MAF1: variants seen among roughly 807,000 people sequenced by gnomAD.
MAF1 encodes repressor of RNA polymerase III transcription MAF1 homolog.
A neutral mutation model predicts 31.9 loss-of-function variants in MAF1; 7 were observed. The ratio of observed to expected loss-of-function variants is 0.22; its 90% CI spans 0.12 to 0.41. The LOEUF (loss-of-function observed/expected upper bound fraction) is 0.41. Ranked by LOEUF, MAF1 falls within the 10% of genes least tolerant of loss-of-function variation. The pLI is 1.00. For missense variants in MAF1, 221 were observed against 323.1 expected, an observed-to-expected ratio of 0.68 and a Z score of 2.42; for synonymous variants, 157 against 120.0, an observed-to-expected ratio of 1.31 and a Z score of -2.02.
Position 144,106,818 on chromosome 8 carries a change from T to C in MAF1, c.621-17T>C. The C allele has an allele frequency of 1.3e-6, 2 of 1,535,844 alleles. No individual in the cohort carries two copies. Among genetic ancestry groups the C allele is most frequent in the Non-Finnish European group, 1.8e-6 (2 of 1,142,480 alleles). On this transcript the variant is annotated splice_polypyrimidine_tract_variant and intron_variant, in intron 6 of 7. Transcript: ENST00000322428. ...CTGGGTAGGGGTCCTGAAACTGGTT[T>C]CCCTGCCTCCCCTCAGTGGCTCCAC...
chr8:144,106,756 CCCTCCCTGAACAT>C, intron 6 of MAF1, 66 bp from the exon 7 acceptor site: 1 of 1,573,802 alleles, frequency 6.4e-7, no homozygotes, highest in Non-Finnish European at 8.6e-7. Flanking sequence ...CCCAGCTTTG[CCCTCCCTGAACAT>C]CCTCCCTGGG....
chr8:144,107,429 T>C lies in MAF1; in HGVS notation c.*320T>C, dbSNP rs974872552. The C allele has an allele frequency of 1.0e-5, 6 of 581,322 alleles. No individual in the cohort carries two copies. Among genetic ancestry groups the C allele is most frequent in the African/African-American group, 9.4e-5 (5 of 53,458 alleles). 36.0% of individuals were successfully genotyped at this position (581,322 alleles called of 1,614,324 possible). ...TTTATTTTTGTATTTCTACTGGGCC[T>C]GCACACTCCAGCCCAAAGGGTCTGT... is the stretch of plus-strand genomic sequence containing the variant. On this transcript the variant is annotated 3_prime_UTR_variant, in exon 8 of 8. Transcript: ENST00000322428.
rs1169339212 is a variant in MAF1 at position 144,107,537 on chromosome 8, C to T, written c.*428C>T. The T allele has an allele frequency of 3.3e-6, 2 of 604,222 alleles. No individual in the cohort carries two copies. Among genetic ancestry groups the T allele is most frequent in the East Asian group, 2.8e-5 (1 of 35,978 alleles). 37.4% of individuals were successfully genotyped at this position (604,222 alleles called of 1,614,324 possible). Reference sequence around the variant, plus strand: ...CCGGTGCCCACCTGTACCCCCACCTCGCCCATTTGGCCGCGTGCACTGAGT... The same window carrying T: ...CCGGTGCCCACCTGTACCCCCACCTTGCCCATTTGGCCGCGTGCACTGAGT... On this transcript the variant is annotated 3_prime_UTR_variant, in exon 8 of 8. Transcript: ENST00000322428.
In MAF1 at chr8:144,107,011, AC is replaced by A. The variant is rs1251300273; in HGVS notation, c.749+49del. 1.7e-5 allele frequency: 26 copies of A among 1,555,652 alleles called. No homozygotes were observed. In the African/African-American group the frequency reaches 3.1e-4, roughly 19 times the overall value. ...CGGGTCCTTGAAGCCTGGAGTGGGT[AC>A]AACAGGGTGGGGGCCTCCTCTACTT... On this transcript the variant is annotated intron_variant, in intron 7 of 7. Coordinates refer to ENST00000322428, the MANE Select transcript of MAF1 (RefSeq NM_032272.5).
Position 144,106,357 on chromosome 8 carries a change from C to G in MAF1, c.393C>G (p.Val131=). The G allele has an allele frequency of 6.2e-7, 1 of 1,613,900 alleles. No individual in the cohort carries two copies. The highest frequency in any genetic ancestry group is 1.1e-5 in the South Asian group (1 of 91,082). Residue 131 remains valine, a synonymous_variant, in exon 5 of 8, where the codon GTC becomes GTG. Coordinates refer to ENST00000322428, the MANE Select transcript of MAF1 (RefSeq NM_032272.5). ...EPSLSWVVNA[V]NCSLFSAVRE... ...ACCTGCCCTAGGTGGTGAATGCAGT[C>G]AACTGCAGTCTGTTCTCAGCTGTGC...
intron 6 of MAF1, 21 bp from the exon 7 acceptor site, chr8:144,106,814 G>C (rs370406695): frequency 2.0e-6 from 3 of 1,536,320 alleles, no homozygotes; most frequent in African/African-American, 2.8e-5. Context: ...TCCTGAAACT[G>C]GTTTCCCTGC....
In MAF1 at chr8:144,107,332, A is replaced by G. The variant is rs538591281; in HGVS notation, c.*223A>G. 431 of 629,252 alleles carry G rather than the reference A, an allele frequency of 6.8e-4. No homozygotes were observed. In the South Asian group the frequency reaches 7.8e-3, roughly 11 times the overall value. 39.0% of individuals were successfully genotyped at this position (629,252 alleles called of 1,614,324 possible). A position where few individuals can be genotyped will look rare whatever the true frequency, so the allele number is the denominator to read the frequency against. On this transcript the variant is annotated 3_prime_UTR_variant, in exon 8 of 8. Coordinates refer to ENST00000322428, the MANE Select transcript of MAF1 (RefSeq NM_032272.5). Reference sequence around the variant, plus strand: ...CCATGCTGTGGCCGGACTTGTCAGCAGGGGGCCTGGTGGGAGGAGCGACTG... The same window carrying G: ...CCATGCTGTGGCCGGACTTGTCAGCGGGGGGCCTGGTGGGAGGAGCGACTG...
chr8:144,107,310 T>C lies in MAF1; in HGVS notation c.*201T>C. 3 of 680,128 alleles carry C rather than the reference T, an allele frequency of 4.4e-6. No homozygotes were observed. Among genetic ancestry groups the C allele is most frequent in the Non-Finnish European group, 7.5e-6 (3 of 398,948 alleles). The allele number at this position is 680,128 out of a possible 1,614,324, so 42.1% of individuals were successfully genotyped here. A position where few individuals can be genotyped will look rare whatever the true frequency, so the allele number is the denominator to read the frequency against. The stretch of plus-strand genomic sequence containing the variant: ...TCACCCCTCAGACTCCTGCTGCCCA[T>C]GCTGTGGCCGGACTTGTCAGCAGGG... On this transcript the variant is annotated 3_prime_UTR_variant, in exon 8 of 8. Transcript: ENST00000322428.
chr8:144,105,187 C>T (rs1179236860), intron 1 of MAF1: 2 of 158,312 alleles, frequency 1.3e-5, no homozygotes, highest in Non-Finnish European at 2.8e-5. Flanking sequence ...GTCCTGGTTC[C>T]TAACCGGGAT....
chr8:144,107,116 G>A lies in MAF1; in HGVS notation c.*7G>A. 6.4e-7 allele frequency: 1 copy of A among 1,564,632 alleles called. No individual in the cohort carries two copies. The highest frequency in any genetic ancestry group is 8.7e-7 in the Non-Finnish European group (1 of 1,154,720). On this transcript the variant is annotated 3_prime_UTR_variant, in exon 8 of 8. Coordinates refer to ENST00000322428, the MANE Select transcript of MAF1 (RefSeq NM_032272.5). Reference sequence around the variant, plus strand: ...CCCAGTGATCTGTATTTGATGAGGAGGAGCCGAGGCCCCAGCTTCATCCAG... The same window carrying A: ...CCCAGTGATCTGTATTTGATGAGGAAGAGCCGAGGCCCCAGCTTCATCCAG...
chr8:144,106,457 A>T lies in MAF1; in HGVS notation c.493A>T (p.Ile165Phe). 1 of 1,613,928 alleles carries T rather than the reference A, an allele frequency of 6.2e-7. No homozygotes were observed. The highest frequency in any genetic ancestry group is 8.5e-7 in the Non-Finnish European group (1 of 1,180,012). Residue 165 changes from isoleucine to phenylalanine, a missense_variant, in exon 5 of 8, where the codon ATC (isoleucine) becomes TTC (phenylalanine). This residue lies in a region of MAF1 where 146 missense variants were observed against 263.1 expected (regional missense o/e 0.56). Transcript: ENST00000322428. ...GGAGATCTGCCTGGCTGAATGTGAC[A>T]TCTACAGGTGGGCCGGCATCCCTGC... ...DEEICLAECDIYSYNPDLDSD... is the reference protein window; with the variant it reads ...DEEICLAECDFYSYNPDLDSD...
Position 144,107,240 on chromosome 8 carries a change from G to A in MAF1, c.*131G>A. 2 of 1,179,496 alleles carry A rather than the reference G, an allele frequency of 1.7e-6. No homozygotes were observed. Among genetic ancestry groups the A allele is most frequent in the Non-Finnish European group, 2.5e-6 (2 of 812,596 alleles). The allele number at this position is 1,179,496 out of a possible 1,614,324, so 73.1% of individuals were successfully genotyped here. A position where few individuals can be genotyped will look rare whatever the true frequency, so the allele number is the denominator to read the frequency against. ...CTGCCACAGTCCTGGCACTGCCCAA[G>A]GCCATACCTGCCTAGCCCTTTGGCT... On this transcript the variant is annotated 3_prime_UTR_variant, in exon 8 of 8. Transcript: ENST00000322428.
rs753085683 is a variant in MAF1, at chr8:144,104,587, C to G, written c.-316C>G. The G allele has an allele frequency of 6.6e-6, 1 of 152,120 alleles. No homozygotes were observed. Among genetic ancestry groups the G allele is most frequent in the Non-Finnish European group, 1.5e-5 (1 of 68,018 alleles). The allele number at this position is 152,120 out of a possible 1,614,324, so 9.4% of individuals were successfully genotyped here. A position where few individuals can be genotyped will look rare whatever the true frequency, so the allele number is the denominator to read the frequency against. ...CGCTCTGTGGCGGTCGGCGGCAGGTCGGTCGCGAGAGCGGGCTCTGTGGAA... is the reference window on the plus strand; with the variant it reads ...CGCTCTGTGGCGGTCGGCGGCAGGTGGGTCGCGAGAGCGGGCTCTGTGGAA... On this transcript the variant is annotated 5_prime_UTR_variant, in exon 1 of 8. Transcript: ENST00000322428.
Position 144,106,409 on chromosome 8 carries a change from C to G in MAF1, c.445C>G (p.Gln149Glu). 1 of 1,614,034 alleles carries G rather than the reference C, an allele frequency of 6.2e-7. No individual in the cohort carries two copies. The highest frequency in any genetic ancestry group is 1.1e-5 in the South Asian group (1 of 91,090). The change falls in exon 5 of 8, where the codon CAG becomes GAG. Residue 149 changes from glutamine to glutamate, a missense_variant. Physicochemically the swap from Gln to Glu is conservative, Grantham distance 29. This residue lies in a region of MAF1 where 146 missense variants were observed against 263.1 expected (regional missense o/e 0.56). Transcript: ENST00000322428. ...GGAGGACTTCAAGGATCTGAAACCA[C>G]AGCTGTGGAACGCGGTGGACGAGGA... Reference protein sequence around the residue: ...VREDFKDLKPQLWNAVDEEIC... With the variant: ...VREDFKDLKPELWNAVDEEIC...
chr8:144,105,437 G>A (rs573029115), intron 1 of MAF1: 75 of 557,654 alleles, frequency 1.3e-4, no homozygotes, highest in African/African-American at 1.3e-3. Flanking sequence ...TGGCTGACCT[G>A]GAGCCTGGAC....
At chr8:144,105,555 C>A in intron 1 of MAF1, 85 bp from the exon 2 acceptor site, 1 of 754,604 alleles carries the variant, frequency 1.3e-6, no homozygotes. Flanking sequence ...TTGTTCCTAG[C>A]GGCTCCACTT....
intron 2 of MAF1, 40 bp downstream of exon 2, chr8:144,105,806 C>G (rs368762041): frequency 8.7e-6 from 14 of 1,612,592 alleles, no homozygotes; most frequent in South Asian, 2.2e-5. Flanking sequence ...GGAGGTCACA[C>G]TGCCGCGCCC....
In MAF1 at chr8:144,104,724, C is replaced by T. The variant is rs956996927; in HGVS notation, c.-179C>T. On this transcript the variant is annotated 5_prime_UTR_variant, in exon 1 of 8. Transcript: ENST00000322428. ...GATACAGTGCGGCCCGAGCGGAGGCCGCGGCGCCGCCCTCCGATCTTGAAG... is the reference window on the plus strand; with the variant it reads ...GATACAGTGCGGCCCGAGCGGAGGCTGCGGCGCCGCCCTCCGATCTTGAAG... 1 of 152,196 alleles carries T rather than the reference C, an allele frequency of 6.6e-6. No individual in the cohort carries two copies. Among genetic ancestry groups the T allele is most frequent in the African/African-American group, 2.4e-5 (1 of 41,446 alleles). The allele number at this position is 152,196 out of a possible 1,614,324, so 9.4% of individuals were successfully genotyped here. A position where few individuals can be genotyped will look rare whatever the true frequency, so the allele number is the denominator to read the frequency against.
Position 144,104,823 on chromosome 8 carries a change from C to G in MAF1, c.-80C>G, listed in dbSNP as rs1181180674. 1 of 152,336 alleles carries G rather than the reference C, an allele frequency of 6.6e-6. No homozygotes were observed. The highest frequency in any genetic ancestry group is 2.4e-5 in the African/African-American group (1 of 41,456). The allele number at this position is 152,336 out of a possible 1,614,324, so 9.4% of individuals were successfully genotyped here. A position where few individuals can be genotyped will look rare whatever the true frequency, so the allele number is the denominator to read the frequency against. On this transcript the variant is annotated 5_prime_UTR_variant, in exon 1 of 8. Coordinates refer to ENST00000322428, the MANE Select transcript of MAF1 (RefSeq NM_032272.5). ...CGGAGCGACCCAGCCCAGCCAGACC[C>G]GGCCCGGCGCGGCCTGATCTAACCC...
Sources: gnomAD v4.1 joint callset for allele counts on GRCh38, gnomAD v4.1.1 for gene constraint, gnomAD v4.1.1 regional missense constraint, MANE v1.5 for transcripts, NCBI Gene and HGNC (gene_info 2026-07-23, HGNC 2026-07-21) for gene names.